The following OS9 variants were observed in gnomAD, a reference collection of about 807,000 sequenced individuals.
The protein encoded by OS9 is OS9 endoplasmic reticulum lectin.
A neutral mutation model predicts 84.7 loss-of-function variants in OS9; 58 were observed. The ratio of observed to expected loss-of-function variants is 0.68; its 90% CI spans 0.55 to 0.85. The LOEUF (loss-of-function observed/expected upper bound fraction) is 0.85. OS9 is among the 40% of genes least tolerant of loss of function. OS9 has a pLI of 0.00. For synonymous variants in OS9, 278 were observed against 320.8 expected (o/e 0.87, Z 1.43); for missense variants, 760 against 850.9 (o/e 0.89, Z 1.33).
At chr12:57,701,688 A>G (rs990828760) in intron 5 of OS9, among the ~76,000 whole-genome samples, 3 of 152,212 alleles carry the variant, frequency 2.0e-5, no homozygotes, top group African/African-American at 4.8e-5. Flanking sequence ...GCTGCAATGT[A>G]GGTCTTATTG....
intron 5 of OS9, among the ~76,000 whole-genome samples, chr12:57,706,259 A>G (rs1954163247): frequency 6.6e-6 from 1 of 151,992 alleles, no homozygotes; most frequent in Non-Finnish European, 1.5e-5. Flanking sequence ...CTATTGAGAT[A>G]GTCATATGGT....
rs771022088 is a variant in OS9 at position 57,721,247 on chromosome 12, G to C, written c.*338G>C. 7.3e-6 allele frequency: 2 copies of C among 273,984 alleles called. No homozygotes were observed. The highest frequency in any genetic ancestry group is 1.4e-5 in the Non-Finnish European group (2 of 140,352). 17.0% of individuals were successfully genotyped at this position (273,984 alleles called of 1,614,324 possible). A position where few individuals can be genotyped will look rare whatever the true frequency, so the allele number is the denominator to read the frequency against. On this transcript the variant is annotated 3_prime_UTR_variant, in exon 15 of 15. Transcript: ENST00000315970. ...GATTCAGTAGGATCTTTTGAGTGGA[G>C]GTGGGTAGAGAGAGCAAGGAGGGCA... is the stretch of plus-strand genomic sequence containing the variant.
chr12:57,720,084 G>A lies in OS9; in HGVS notation c.1601-15G>A. On this transcript the variant is annotated splice_polypyrimidine_tract_variant and intron_variant, in intron 12 of 14. Transcript: ENST00000315970. ...GCCTCTGCTTTGTGTTTCCCTGTGT[G>A]TCTCCCCCTCTAAGAGGAGGATCCT... The A allele has an allele frequency of 6.2e-7, 1 of 1,612,046 alleles. No homozygotes were observed. Among genetic ancestry groups the A allele is most frequent in the Non-Finnish European group, 8.5e-7 (1 of 1,179,324 alleles).
rs753271189 is a variant in OS9, at chr12:57,695,791, G to A, written c.351G>A (p.Trp117Ter). The change falls in exon 3 of 15, where the codon TGG (tryptophan) becomes TGA (stop). Residue 117 changes from tryptophan (W) to a stop codon, truncating the protein, a stop_gained. Transcript: ENST00000315970. LOFTEE classifies it high-confidence loss of function. ...DAPCLLKTKDWWTYEFCYGRH... is the reference protein window; with the variant it reads ...DAPCLLKTKD ...TTTTTAATTGTCAGACAAAGGACTGGTGGACATATGAATTCTGTTATGGAC... is the reference window on the plus strand; with the variant it reads ...TTTTTAATTGTCAGACAAAGGACTGATGGACATATGAATTCTGTTATGGAC... 6.2e-7 allele frequency: 1 copy of A among 1,608,252 alleles called. No homozygotes were observed. The highest frequency in any genetic ancestry group is 8.5e-7 in the Non-Finnish European group (1 of 1,174,710).
chr12:57,694,166 C>T lies in OS9; in HGVS notation c.5C>T (p.Ala2Val), dbSNP rs1315544043. The T allele has an allele frequency of 1.9e-6, 3 of 1,613,958 alleles. No individual in the cohort carries two copies. The highest frequency in any genetic ancestry group is 1.1e-5 in the South Asian group (1 of 91,094). The change falls in exon 1 of 15, where the codon GCG (alanine) becomes GTG (valine). Residue 2 changes from alanine (A) to valine (V), a missense_variant. Coordinates refer to ENST00000315970, the MANE Select transcript of OS9 (RefSeq NM_006812.4). M[A>V]AETLLSSLLG... ...GCATAAGAAGGGGAACGAAAGATGG[C>T]GGCGGAAACGCTGCTGTCCAGTTTG... is the stretch of plus-strand genomic sequence containing the variant.
intron 5 of OS9, among the ~76,000 whole-genome samples, chr12:57,708,035 G>C (rs1954222124): frequency 6.6e-6 from 1 of 151,972 alleles, no homozygotes; most frequent in South Asian, 2.1e-4. Flanking sequence ...CAAGGCTACA[G>C]TGAGCTATGA....
At chr12:57,715,398 G>A (rs1286058841) in intron 5 of OS9, among the ~76,000 whole-genome samples, 1 of 151,666 alleles carries the variant, frequency 6.6e-6, no homozygotes, top group East Asian at 1.9e-4. Flanking sequence ...CATATATGAA[G>A]CAAATAAAAG....
chr12:57,720,921 C>CA lies in OS9; in HGVS notation c.*13dup. The CA allele has an allele frequency of 6.2e-7, 1 of 1,614,052 alleles. No homozygotes were observed. Among genetic ancestry groups the CA allele is most frequent in the Non-Finnish European group, 8.5e-7 (1 of 1,179,930 alleles). The stretch of plus-strand genomic sequence containing the variant: ...AATTTGACTTCTGAGACCAACACTA[C>CA]ACTTGACCCTTCACGGAATCCAGAC... On this transcript the variant is annotated 3_prime_UTR_variant, in exon 15 of 15. Coordinates refer to ENST00000315970, the MANE Select transcript of OS9 (RefSeq NM_006812.4).
rs1371060341 is a variant in OS9 at position 57,718,187 on chromosome 12, T to A, written c.1176T>A (p.Ala392=). The A allele has an allele frequency of 8.7e-6, 14 of 1,613,928 alleles. No individual in the cohort carries two copies. The highest frequency in any genetic ancestry group is 1.3e-5 in the African/African-American group (1 of 74,888). ...GCCAAGAGCAGCCTGTGGATGATGC[T>A]GCAGAAGTCCCTCAGAGGGAACCAG... ...NIGQEQPVDD[A]AEVPQREPEK... The change falls in exon 11 of 15, where the codon GCT becomes GCA. Residue 392 remains alanine, a synonymous_variant. Transcript: ENST00000315970.
intron 5 of OS9, 63 bp downstream of exon 5, chr12:57,696,436 G>A (rs1271495368): frequency 3.1e-6 from 2 of 653,660 alleles, no homozygotes; most frequent in Non-Finnish European, 4.8e-6. Flanking sequence ...AAGGGAAGAG[G>A]GTTGCATCTT....
chr12:57,714,284 G>A lies in OS9; in HGVS notation c.580-1476G>A, dbSNP rs546640507. Among the ~76,000 whole-genome samples the A allele has an allele frequency of 5.9e-5, 9 of 152,192 alleles. No homozygotes were observed. In the South Asian group the frequency reaches 6.2e-4, roughly 11 times the overall value. On this transcript the variant is annotated intron_variant, in intron 5 of 14. Coordinates refer to ENST00000315970, the MANE Select transcript of OS9 (RefSeq NM_006812.4). Reference sequence around the variant, plus strand: ...TGCAATGGTGCGATCTCGGCTCACCGCAACCTTGGCCTCCCAGGTTCAAGC... The same window carrying A: ...TGCAATGGTGCGATCTCGGCTCACCACAACCTTGGCCTCCCAGGTTCAAGC...
chr12:57,720,983 A>G lies in OS9; in HGVS notation c.*74A>G. 1 of 1,552,362 alleles carries G rather than the reference A, an allele frequency of 6.4e-7. No individual in the cohort carries two copies. The highest frequency in any genetic ancestry group is 1.1e-5 in the South Asian group (1 of 88,132). Reference sequence around the variant, plus strand: ...TGGCTTGCCTCCTCCCCACCTCCCCACCCTGGAACCCCTGAGGGCCAAACA... The same window carrying G: ...TGGCTTGCCTCCTCCCCACCTCCCCGCCCTGGAACCCCTGAGGGCCAAACA... On this transcript the variant is annotated 3_prime_UTR_variant, in exon 15 of 15. Coordinates refer to ENST00000315970, the MANE Select transcript of OS9 (RefSeq NM_006812.4).
At position 57,720,144 on chromosome 12, in the gene OS9, G is replaced by A. The variant is rs199957000; in HGVS notation, c.1646G>A (p.Arg549His). The change falls in exon 13 of 15, where the codon CGT becomes CAT. Residue 549 changes from arginine to histidine, a missense_variant. Arg to His is a conservative substitution (Grantham distance 29). Transcript: ENST00000315970. Reference sequence around the variant, plus strand: ...GTCCGGGTCCGGGTCACCAAGCTCCGTCTCGGAGGCCCTAATCAGGATCTG... The same window carrying A: ...GTCCGGGTCCGGGTCACCAAGCTCCATCTCGGAGGCCCTAATCAGGATCTG... ...HRVRVRVTKL[R>H]LGGPNQDLTV... The A allele has an allele frequency of 2.0e-4, 317 of 1,614,162 alleles. No homozygotes were observed. Among genetic ancestry groups the A allele is most frequent in the Non-Finnish European group, 2.5e-4 (298 of 1,180,038 alleles).
chr12:57,718,951 AC>A, intron 11 of OS9, 41 bp from the exon 12 acceptor site: 1 of 1,491,502 alleles, frequency 6.7e-7, no homozygotes, highest in Non-Finnish European at 9.2e-7. Flanking sequence ...CTGCCTCCAC[AC>A]CCCAGACCCT....
Position 57,720,523 on chromosome 12 carries a change from G to A in OS9, c.1878+5G>A, listed in dbSNP as rs368726059. On this transcript the variant is annotated splice_donor_5th_base_variant and intron_variant, in intron 14 of 14. Transcript: ENST00000315970. The stretch of plus-strand genomic sequence containing the variant: ...GAGATCTTCTTCAATATCTTGGTAA[G>A]AGGCTTCTACCCCCGAGTCCTGGCC... 92 of 1,590,728 alleles carry A rather than the reference G, an allele frequency of 5.8e-5. No individual in the cohort carries two copies. The highest frequency in any genetic ancestry group is 7.2e-5 in the Non-Finnish European group (83 of 1,158,738).
chr12:57,713,150 G>A (rs1261505835), intron 5 of OS9, among the ~76,000 whole-genome samples: 1 of 152,140 alleles, frequency 6.6e-6, no homozygotes, highest in Non-Finnish European at 1.5e-5. Flanking sequence ...TGCTATCATG[G>A]AGCAATCAGC....
intron 5 of OS9, among the ~76,000 whole-genome samples, chr12:57,714,161 A>T (rs1257682461): frequency 6.6e-6 from 1 of 151,724 alleles, no homozygotes; most frequent in Non-Finnish European, 1.5e-5. Flanking sequence ...TTCATTTGTT[A>T]TATGTCCTTA....
chr12:57,711,165 GCA>G (rs1954318340), intron 5 of OS9, among the ~76,000 whole-genome samples: 1 of 150,570 alleles, frequency 6.6e-6, no homozygotes, highest in Non-Finnish European at 1.5e-5. Flanking sequence ...TCTTAGTTTT[GCA>G]TGTATCCTTC....
intron 5 of OS9, among the ~76,000 whole-genome samples, chr12:57,699,365 C>T (rs79913618): frequency 1.3e-5 from 2 of 151,958 alleles, no homozygotes; most frequent in Non-Finnish European, 2.9e-5. Context: ...ATGAAATCCC[C>T]CAAAGAAAAC....
Sources: allele counts gnomAD v4.1 joint callset (sites outside exome capture counted in the v4.1 genomes callset), GRCh38; gene constraint gnomAD v4.1.1; transcripts MANE v1.5; gene names NCBI Gene and HGNC (gene_info 2026-07-23, HGNC 2026-07-21).